Variants in VPS8 observed in about 807,000 individuals in gnomAD.
The protein encoded by VPS8 is VPS8 subunit of CORVET complex, also known as vacuolar protein sorting-associated protein 8 homolog.
In VPS8, 129 loss-of-function variants were observed where a neutral mutation model predicts 216.4. The observed-to-expected ratio is 0.60, with a 90% CI of 0.52 to 0.69. The LOEUF is 0.69. Among genes scored for constraint, VPS8 ranks in the 30% least tolerant of loss-of-function variants. The probability of loss-of-function intolerance (pLI) is 0.00; values close to 1 mark genes in which losing one functional copy is unlikely to be tolerated. For missense variants in VPS8, 1,531 were observed against 1,683.5 expected (o/e 0.91, Z 1.59); for synonymous variants, 571 against 565.4 (o/e 1.01, Z -0.14).
chr3:184,940,161 A>G, intron 35 of VPS8, 36 bp from the exon 36 acceptor site: 1 of 1,319,786 alleles, frequency 7.6e-7, no homozygotes, highest in South Asian at 1.5e-5. Flanking sequence ...ATTTGTTTTA[A>G]TATTTAATTG....
intron 40 of VPS8, among the ~76,000 whole-genome samples, chr3:184,973,288 G>A (rs1401993366): frequency 6.6e-6 from 1 of 151,938 alleles, no homozygotes; most frequent in Non-Finnish European, 1.5e-5. Context: ...GATATTTTTT[G>A]TCTGCCTAGG....
intron 39 of VPS8, 43 bp from the exon 40 acceptor site, chr3:184,971,606 G>A: frequency 1.3e-6 from 2 of 1,497,428 alleles, no homozygotes; most frequent in African/African-American, 1.4e-5. Flanking sequence ...GAGATTATCA[G>A]CAACATATCC....
At chr3:185,006,834 T>C (rs1754321709) in intron 45 of VPS8, among the ~76,000 whole-genome samples, 1 of 29,068 alleles carries the variant, frequency 3.4e-5, no homozygotes, top group African/African-American at 4.9e-5. Flanking sequence ...AATGCAGTCC[T>C]TCTGTCAAAT....
intron 1 of VPS8, among the ~76,000 whole-genome samples, chr3:184,822,063 T>G (rs1286655881): frequency 6.6e-6 from 1 of 151,778 alleles, no homozygotes; most frequent in Non-Finnish European, 1.5e-5. Flanking sequence ...GATATAGAAA[T>G]AGAGAGGTTC....
At chr3:184,845,428 A>T (rs1001711026) in intron 8 of VPS8, among the ~76,000 whole-genome samples, 1 of 152,172 alleles carries the variant, frequency 6.6e-6, no homozygotes, top group African/African-American at 2.4e-5. Context: ...ATTATATAAC[A>T]GCAAGTTTGT....
intron 16 of VPS8, among the ~76,000 whole-genome samples, chr3:184,863,409 A>G (rs1726739145): frequency 6.6e-6 from 1 of 152,238 alleles, no homozygotes; most frequent in African/African-American, 2.4e-5. Context: ...TTTGGCAGTA[A>G]TAAGCCTGAT....
rs190518196 is a variant in VPS8 at position 184,849,058 on chromosome 3, C to T, written c.542-13C>T. On this transcript the variant is annotated splice_polypyrimidine_tract_variant and intron_variant, in intron 8 of 47. Transcript: ENST00000625842. ...CATTTCCTTCACTTGACTTTAAAAA[C>T]TGCTTTCTTTAGATCAGAATCAAGC... 17 of 1,611,974 alleles carry T rather than the reference C, an allele frequency of 1.1e-5. No individual in the cohort carries two copies. The highest frequency in any genetic ancestry group is 8.5e-7 in the Non-Finnish European group (1 of 1,178,532).
intron 33 of VPS8, 62 bp downstream of exon 33, chr3:184,929,726 A>T (rs986236846): frequency 6.1e-6 from 6 of 979,408 alleles, no homozygotes; most frequent in Non-Finnish European, 8.7e-6. Context: ...TTGAGTACAA[A>T]TAACTGTTGA....
At chr3:184,967,968 C>T (rs903964711) in intron 39 of VPS8, among the ~76,000 whole-genome samples, 1 of 151,974 alleles carries the variant, frequency 6.6e-6, no homozygotes, top group African/African-American at 2.4e-5. Context: ...ATCATTACCC[C>T]CATCCACCTC....
At chr3:185,016,810 A>C (rs1157972723) in intron 45 of VPS8, among the ~76,000 whole-genome samples, 1 of 152,168 alleles carries the variant, frequency 6.6e-6, no homozygotes, top group Non-Finnish European at 1.5e-5. Context: ...CTAATTGTTC[A>C]GTAACTAATT....
At chr3:184,929,168 A>G (rs1026703198) in intron 32 of VPS8, among the ~76,000 whole-genome samples, 1 of 152,146 alleles carries the variant, frequency 6.6e-6, no homozygotes, top group Non-Finnish European at 1.5e-5. Flanking sequence ...TTATTTAACA[A>G]TAGAAATCAC....
chr3:184,820,392 T>C (rs1717316389), intron 1 of VPS8, among the ~76,000 whole-genome samples: 2 of 152,184 alleles, frequency 1.3e-5, no homozygotes, highest in Admixed American at 1.3e-4. Context: ...CTCTTCTGCC[T>C]CTCTCTTCCC....
chr3:184,987,729 G>C (rs1751328152), intron 42 of VPS8, among the ~76,000 whole-genome samples: 1 of 152,134 alleles, frequency 6.6e-6, no homozygotes, highest in Non-Finnish European at 1.5e-5. Flanking sequence ...TTAAGTTTTA[G>C]ACTCATTTGG....
At chr3:184,979,554 C>T (rs546268248) in intron 40 of VPS8, among the ~76,000 whole-genome samples, 1 of 152,154 alleles carries the variant, frequency 6.6e-6, no homozygotes, top group East Asian at 1.9e-4. Flanking sequence ...TTATTTAATA[C>T]CTTTATTTGT....
chr3:184,855,380 A>G (rs1039293356), intron 13 of VPS8, among the ~76,000 whole-genome samples: 1 of 152,164 alleles, frequency 6.6e-6, no homozygotes, highest in Non-Finnish European at 1.5e-5. Context: ...TTTAGCATGC[A>G]TATTATTAGC....
At chr3:184,942,879 T>G (rs954269744) in intron 36 of VPS8, among the ~76,000 whole-genome samples, 1 of 152,212 alleles carries the variant, frequency 6.6e-6, no homozygotes. Flanking sequence ...AGTAACATAT[T>G]GAGTTCCGGA....
At chr3:184,831,459 T>C (rs1719967451) in intron 3 of VPS8, among the ~76,000 whole-genome samples, 1 of 152,160 alleles carries the variant, frequency 6.6e-6, no homozygotes. Flanking sequence ...ATCTCTCAAG[T>C]ACATTGATTG....
intron 28 of VPS8, among the ~76,000 whole-genome samples, chr3:184,919,833 A>G (rs1020746877): frequency 1.3e-5 from 2 of 151,998 alleles, no homozygotes; most frequent in African/African-American, 2.4e-5. Flanking sequence ...ACCTCTTTTC[A>G]TTAGTGTTAT....
chr3:185,019,210 T>C (rs536959761), intron 45 of VPS8, among the ~76,000 whole-genome samples: 24 of 152,266 alleles, frequency 1.6e-4, no homozygotes, highest in Middle Eastern at 3.4e-3. Context: ...CTCAGTGTCC[T>C]CCAGCTTAGT....
Sources: allele counts gnomAD v4.1 joint callset (sites outside exome capture counted in the v4.1 genomes callset), GRCh38; gene constraint gnomAD v4.1.1; transcripts MANE v1.5; gene names NCBI Gene and HGNC (gene_info 2026-07-23, HGNC 2026-07-21).